The following GOLM1 variants were observed in gnomAD, a reference collection of about 807,000 sequenced individuals.
GOLM1 encodes the protein golgi membrane protein 1.
GOLM1 carries 31 observed loss-of-function variants against 50.5 expected under a neutral mutation model. The ratio of observed to expected loss-of-function variants is 0.61; its 90% CI spans 0.46 to 0.83. GOLM1 has a LOEUF of 0.83. Ranked by LOEUF, GOLM1 falls within the 40% of genes least tolerant of loss-of-function variation. GOLM1 has a pLI of 0.00. For missense variants in GOLM1, 491 were observed against 501.3 expected (o/e 0.98, Z 0.20); for synonymous variants, 178 against 192.8 (o/e 0.92, Z 0.64).
intron 5 of GOLM1, among the ~76,000 whole-genome samples, chr9:86,043,400 T>C (rs1833425368): frequency 6.6e-6 from 1 of 152,156 alleles, no homozygotes; most frequent in South Asian, 2.1e-4. Context: ...CTGCCTTCTA[T>C]AGAAGGATTA....
At chr9:86,043,166 G>A (rs950482594) in intron 5 of GOLM1, among the ~76,000 whole-genome samples, 4 of 152,158 alleles carry the variant, frequency 2.6e-5, no homozygotes, top group African/African-American at 9.7e-5. Flanking sequence ...CTCATAGCAG[G>A]GAGATGAGAT....
chr9:86,046,408 A>C, intron 5 of GOLM1, 62 bp downstream of exon 5: 1 of 981,020 alleles, frequency 1.0e-6, no homozygotes, highest in Non-Finnish European at 1.6e-6. Flanking sequence ...ATCTCAGCTT[A>C]ATCCCCGCCT....
In GOLM1 at chr9:86,035,583, C is replaced by G; in HGVS notation, c.800G>C (p.Arg267Thr). 6.2e-7 allele frequency: 1 copy of G among 1,606,474 alleles called. No individual in the cohort carries two copies. The highest frequency in any genetic ancestry group is 1.1e-5 in the South Asian group (1 of 91,038). ...EIQVVNEEPQ[R>T]DRLPQEPGRE... ...GCCTGGCTCCTGCGGCAGCCTGTCC[C>G]TCTGAGGCTCCTCATTCACCACCTG... Residue 267 changes from arginine to threonine, a missense_variant, in exon 8 of 10, where the codon AGG (arginine) becomes ACG (threonine). Transcript: ENST00000388712.
chr9:86,041,002 CAG>C lies in GOLM1; in HGVS notation c.468-136_468-135del, dbSNP rs1205187047. On this transcript the variant is annotated intron_variant, in intron 5 of 9. Transcript: ENST00000388712. ...CTTCATCTGAAGAGGGCACTTAAGACAGGGCAACACGGGTGTGTGTTCAACAA... is the reference window on the plus strand; with the variant it reads ...CTTCATCTGAAGAGGGCACTTAAGACGGCAACACGGGTGTGTGTTCAACAA... The C allele has an allele frequency of 7.1e-6, 5 of 709,176 alleles. No individual in the cohort carries two copies. The Admixed American group carries it at 1.3e-4, about 18-fold the overall frequency. 43.9% of individuals were successfully genotyped at this position (709,176 alleles called of 1,614,324 possible).
At chr9:86,076,440 A>G (rs1834617112) in intron 3 of GOLM1, among the ~76,000 whole-genome samples, 1 of 149,844 alleles carries the variant, frequency 6.7e-6, no homozygotes, top group Non-Finnish European at 1.5e-5. Context: ...AAAAAAAAAA[A>G]AAAAAAAAAA....
At chr9:86,028,754 C>T (rs529509606) in intron 9 of GOLM1, among the ~76,000 whole-genome samples, 12 of 152,168 alleles carry the variant, frequency 7.9e-5, no homozygotes, top group African/African-American at 1.9e-4. Flanking sequence ...CCTGTCCGTC[C>T]GCATGCTTCC....
chr9:86,080,789 G>A (rs911451107), intron 1 of GOLM1, among the ~76,000 whole-genome samples: 3 of 151,522 alleles, frequency 2.0e-5, no homozygotes, highest in African/African-American at 7.3e-5. Context: ...GGGAAACCAC[G>A]TTTTTCTTTC....
rs972965616 is a variant in GOLM1, at chr9:86,099,509, G to A, written c.-120C>T. The A allele has an allele frequency of 2.0e-5, 3 of 149,714 alleles. No individual in the cohort carries two copies. The highest frequency in any genetic ancestry group is 3.0e-5 in the Non-Finnish European group (2 of 67,210). 9.3% of individuals were successfully genotyped at this position (149,714 alleles called of 1,614,324 possible). ...CGCCGCCGGCCTCGAGCTCCGGCCG[G>A]CTCCGCGCCGTGCGCCCAGCGCCTC... On this transcript the variant is annotated 5_prime_UTR_variant, in exon 1 of 10. Coordinates refer to ENST00000388712, the MANE Select transcript of GOLM1 (RefSeq NM_016548.4).
rs553351412 is a variant in GOLM1 at position 86,029,100 on chromosome 9, G to A, written c.1130-1207C>T. ...TCTCGATCTCCTGACCTCGTGATCC[G>A]CCCGCCTTGGCCTCCCAAAGTGCTG... On this transcript the variant is annotated intron_variant, in intron 9 of 9. Transcript: ENST00000388712. Among the ~76,000 whole-genome samples the A allele has an allele frequency of 2.3e-4, 35 of 151,970 alleles. No individual in the cohort carries two copies. The East Asian group carries it at 6.8e-3, about 29-fold the overall frequency.
chr9:86,075,261 C>T (rs966181044), intron 3 of GOLM1, among the ~76,000 whole-genome samples: 1 of 152,196 alleles, frequency 6.6e-6, no homozygotes, highest in Non-Finnish European at 1.5e-5. Context: ...GTTATAGCAG[C>T]CTTAAACAGA....
At chr9:86,077,306 C>T in intron 3 of GOLM1, 106 bp downstream of exon 3, 1 of 879,326 alleles carries the variant, frequency 1.1e-6, no homozygotes, top group Non-Finnish European at 1.9e-6. Flanking sequence ...CACATAATTA[C>T]ATAAATCTAA....
chr9:86,095,173 A>G (rs567321847), intron 1 of GOLM1, among the ~76,000 whole-genome samples: 5 of 152,054 alleles, frequency 3.3e-5, no homozygotes, highest in Non-Finnish European at 5.9e-5. Context: ...CAAGGGCCCA[A>G]TCCTGCCAGC....
Position 86,035,471 on chromosome 9 carries a change from A to G in GOLM1, c.912T>C (p.Ala304=), listed in dbSNP as rs780588835. The G allele has an allele frequency of 6.2e-7, 1 of 1,613,726 alleles. No individual in the cohort carries two copies. The highest frequency in any genetic ancestry group is 8.5e-7 in the Non-Finnish European group (1 of 1,179,980). Residue 304 remains alanine (A), a synonymous_variant, in exon 8 of 10, where the codon GCT becomes GCC. Coordinates refer to ENST00000388712, the MANE Select transcript of GOLM1 (RefSeq NM_016548.4). The part of the protein sequence containing the change: ...GELGQTPQVQ[A]ALSVSQENPE... ...GATTTTCCTGGCTCACTGACAGGGC[A>G]GCCTGCACCTGTGGGGTCTGGCCCA...
Position 86,079,177 on chromosome 9 carries a change from A to C in GOLM1, c.129+15T>G, listed in dbSNP as rs1319941348. On this transcript the variant is annotated intron_variant, in intron 2 of 9. Transcript: ENST00000388712. ...TAAACATAAAATAAACATAACAATA[A>C]AGAAAACAAAACACCTGGAGGTCCA... The C allele has an allele frequency of 6.6e-7, 1 of 1,517,570 alleles. No individual in the cohort carries two copies. Among genetic ancestry groups the C allele is most frequent in the Admixed American group, 2.4e-5 (1 of 41,348 alleles). The allele number at this position is 1,517,570 out of a possible 1,614,324, so 94.0% of individuals were successfully genotyped here.
intron 3 of GOLM1, 95 bp from the exon 4 acceptor site, chr9:86,052,686 C>T (rs1426607558): frequency 9.9e-6 from 10 of 1,011,022 alleles, no homozygotes; most frequent in Non-Finnish European, 1.6e-5. Context: ...CTGTCCCCAA[C>T]CCAGCGCTGC....
At chr9:86,042,648 T>C (rs950736920) in intron 5 of GOLM1, among the ~76,000 whole-genome samples, 3 of 152,182 alleles carry the variant, frequency 2.0e-5, no homozygotes, top group Non-Finnish European at 2.9e-5. Flanking sequence ...AGCTGAAACA[T>C]AGCGAACAAA....
At chr9:86,097,519 C>A (rs996786506) in intron 1 of GOLM1, among the ~76,000 whole-genome samples, 4 of 151,960 alleles carry the variant, frequency 2.6e-5, no homozygotes, top group Non-Finnish European at 4.4e-5. Context: ...AAGCCAAAGG[C>A]ACAGAACACC....
chr9:86,076,217 G>A (rs569293664), intron 3 of GOLM1, among the ~76,000 whole-genome samples: 114 of 151,566 alleles, frequency 7.5e-4, no homozygotes, highest in Non-Finnish European at 1.0e-3. Flanking sequence ...TCAGGAGTTC[G>A]AGACCAACCT....
Position 86,079,535 on chromosome 9 carries a change from C to T in GOLM1, c.-21-194G>A, listed in dbSNP as rs1834724872. The stretch of plus-strand genomic sequence containing the variant: ...GCACAGAGCCCATGGTGCTGTGAAC[C>T]CAGGGCAGTGTGGCCAGTTCCCAGG... On this transcript the variant is annotated intron_variant, in intron 1 of 9. Transcript: ENST00000388712. 1.4e-5 allele frequency: 6 copies of T among 418,598 alleles called. No homozygotes were observed. In the East Asian group the frequency reaches 2.2e-4, roughly 15 times the overall value. 25.9% of individuals were successfully genotyped at this position (418,598 alleles called of 1,614,324 possible).
Sources: allele counts gnomAD v4.1 joint callset (sites outside exome capture counted in the v4.1 genomes callset), GRCh38; gene constraint gnomAD v4.1.1; transcripts MANE v1.5; gene names NCBI Gene and HGNC (gene_info 2026-07-23, HGNC 2026-07-21).